Variants in MAPK9 observed in about 807,000 individuals in gnomAD.
MAPK9 encodes the protein mitogen-activated protein kinase 9.
In MAPK9, 30 loss-of-function variants were observed where a neutral mutation model predicts 57.1. The observed-to-expected ratio is 0.53, with a 90% confidence interval of 0.39 to 0.71. The LOEUF (loss-of-function observed/expected upper bound fraction) is 0.71. Among genes scored for constraint, MAPK9 ranks in the 30% least tolerant of loss-of-function variants. The pLI is 0.00. For missense variants in MAPK9, 362 were observed against 521.0 expected (o/e 0.69, Z 2.97); for synonymous variants, 155 against 177.0 (o/e 0.88, Z 0.99).
intron 11 of MAPK9, 73 bp downstream of exon 11, chr5:180,238,259 A>C: frequency 1.6e-6 from 2 of 1,219,790 alleles, no homozygotes; most frequent in East Asian, 4.8e-5. Context: ...GACAGAACGA[A>C]ACTCTGTCTC....
At chr5:180,286,795 G>T (rs1330998465) in intron 1 of MAPK9, among the ~76,000 whole-genome samples, 1 of 152,174 alleles carries the variant, frequency 6.6e-6, no homozygotes, top group African/African-American at 2.4e-5. Context: ...CTGCACACAT[G>T]CCACTTTAGA....
At chr5:180,288,757 C>A (rs1455812759) in intron 1 of MAPK9, among the ~76,000 whole-genome samples, 1 of 152,004 alleles carries the variant, frequency 6.6e-6, no homozygotes. Flanking sequence ...ATTAGTATCC[C>A]AAAAAATAAT....
At chr5:180,251,821 A>G (rs536692770) in intron 5 of MAPK9, among the ~76,000 whole-genome samples, 1 of 152,240 alleles carries the variant, frequency 6.6e-6, no homozygotes, top group African/African-American at 2.4e-5. Context: ...CAGCACCCGC[A>G]GCATGAGTGG....
chr5:180,279,852 C>A (rs1401957333), intron 2 of MAPK9: 2 of 456,458 alleles, frequency 4.4e-6, no homozygotes, highest in Admixed American at 4.7e-5. Flanking sequence ...AAGAGACTAA[C>A]GTTCAGGGTC....
At chr5:180,279,368 T>A (rs1762112095) in intron 2 of MAPK9, among the ~76,000 whole-genome samples, 2 of 152,116 alleles carry the variant, frequency 1.3e-5, no homozygotes, top group South Asian at 4.1e-4. Context: ...TTCCAAACAG[T>A]CCCTTTCCCG....
At chr5:180,254,899 T>G (rs1189705213) in intron 5 of MAPK9, among the ~76,000 whole-genome samples, 1 of 152,064 alleles carries the variant, frequency 6.6e-6, no homozygotes, top group African/African-American at 2.4e-5. Flanking sequence ...CTGGGCGTGG[T>G]GGCGGACGCC....
rs537669251 is a variant in MAPK9, at chr5:180,269,583, C to A, written c.123-174G>T. 2.0e-4 allele frequency among the ~76,000 whole-genome samples: 30 copies of A among 152,340 alleles called. 1 individual carries two copies. Among genetic ancestry groups the A allele is most frequent in the African/African-American group, 7.2e-4 (30 of 41,584 alleles). ...CAGAGTGAGTTGTCTAAGACTACAG[C>A]ATGTACTAACTCCTTTGCAGAGGCA... On this transcript the variant is annotated intron_variant, in intron 2 of 11. Coordinates refer to ENST00000452135, the MANE Select transcript of MAPK9 (RefSeq NM_002752.5).
chr5:180,260,943 G>GA (rs11310451), intron 5 of MAPK9, among the ~76,000 whole-genome samples: 64 of 148,136 alleles, frequency 4.3e-4, no homozygotes, highest in Admixed American at 2.0e-3. Context: ...ATCAAATTGT[G>GA]AAAAAAAAAA....
chr5:180,238,635 G>T (rs2127573820), intron 10 of MAPK9, among the ~76,000 whole-genome samples: 1 of 117,078 alleles, frequency 8.5e-6, no homozygotes. Context: ...TTTTGAGACA[G>T]TCTCATGCTG....
At chr5:180,272,711 G>T (rs1205374110) in intron 2 of MAPK9, among the ~76,000 whole-genome samples, 2 of 152,176 alleles carry the variant, frequency 1.3e-5, no homozygotes, top group Admixed American at 6.5e-5. Flanking sequence ...ATTGCTATAA[G>T]ATTCCTTTGT....
At chr5:180,291,740 G>T (rs1428645467) in intron 1 of MAPK9, 108 bp downstream of exon 1, 5 of 149,792 alleles carry the variant, frequency 3.3e-5, no homozygotes, top group African/African-American at 1.2e-4. Context: ...GGGCCCCGCA[G>T]CCCCCGGCCC....
At chr5:180,267,307 A>C (rs548250633) in intron 3 of MAPK9, among the ~76,000 whole-genome samples, 2 of 152,288 alleles carry the variant, frequency 1.3e-5, no homozygotes, top group African/African-American at 4.8e-5. Context: ...CACGCCTGTA[A>C]TCCCAGCACT....
intron 1 of MAPK9, among the ~76,000 whole-genome samples, chr5:180,289,733 C>T (rs202245945): frequency 1.3e-5 from 2 of 152,158 alleles, no homozygotes; most frequent in East Asian, 3.8e-4. Flanking sequence ...TCCCACACAG[C>T]CAGTCCTGGA....
intron 7 of MAPK9, chr5:180,246,413 T>G (rs1307145885): frequency 6.6e-6 from 1 of 152,202 alleles, no homozygotes; most frequent in Non-Finnish European, 1.5e-5. Flanking sequence ...ATTTTCACTT[T>G]AAGTTTGCAC....
chr5:180,242,460 G>C (rs541703310), intron 8 of MAPK9, 113 bp downstream of exon 8: 1 of 947,640 alleles, frequency 1.1e-6, no homozygotes, highest in African/African-American at 1.6e-5. Context: ...TCAGACTTCA[G>C]GCCTAAAATG....
At chr5:180,260,803 T>C (rs778271630) in intron 5 of MAPK9, among the ~76,000 whole-genome samples, 52 of 152,244 alleles carry the variant, frequency 3.4e-4, no homozygotes, top group Non-Finnish European at 5.3e-4. Context: ...GTTTTCTTAC[T>C]GGCCTTATTT....
chr5:180,259,973 G>A lies in MAPK9; in HGVS notation c.450+1711C>T, dbSNP rs367737220. ...TGAAAACATGAAAGAAATTATACTG[G>A]AGGAAAACCGTATAATTTACATAAC... On this transcript the variant is annotated intron_variant, in intron 5 of 11. Coordinates refer to ENST00000452135, the MANE Select transcript of MAPK9 (RefSeq NM_002752.5). 2.2e-4 allele frequency among the ~76,000 whole-genome samples: 33 copies of A among 152,324 alleles called. No homozygotes were observed. In the East Asian group the frequency reaches 5.8e-3, roughly 27 times the overall value.
At chr5:180,237,551 C>T (rs1757270551) in intron 11 of MAPK9, 1 of 152,146 alleles carries the variant, frequency 6.6e-6, no homozygotes. Flanking sequence ...AAAAGAATAC[C>T]ATACTCCATT....
intron 1 of MAPK9, among the ~76,000 whole-genome samples, chr5:180,288,893 T>G (rs781551526): frequency 1.3e-5 from 2 of 152,242 alleles, no homozygotes; most frequent in Non-Finnish European, 2.9e-5. Context: ...CAGGACACTA[T>G]TCTGTTTATT....
Sources: allele counts gnomAD v4.1 joint callset (sites outside exome capture counted in the v4.1 genomes callset), GRCh38; gene constraint gnomAD v4.1.1; transcripts MANE v1.5; gene names NCBI Gene and HGNC (gene_info 2026-07-23, HGNC 2026-07-21).